CNOT10: variants seen among roughly 807,000 people sequenced by gnomAD.
CNOT10 encodes the protein CCR4-NOT transcription complex, subunit 10.
CNOT10 carries 30 observed loss-of-function variants against 94.6 expected under a neutral mutation model. The observed-to-expected ratio is 0.32, with a 90% CI of 0.24 to 0.43. CNOT10 has a LOEUF of 0.43. Among genes scored for constraint, CNOT10 ranks in the 20% least tolerant of loss-of-function variants. CNOT10 has a pLI of 1.00. For synonymous variants in CNOT10, 289 were observed against 301.6 expected (o/e 0.96, Z 0.43); for missense variants, 759 against 877.2 (o/e 0.87, Z 1.70).
intron 1 of CNOT10, among the ~76,000 whole-genome samples, chr3:32,687,453 T>TTTTTTTTTTC: frequency 1.7e-5 from 1 of 57,220 alleles, no homozygotes; most frequent in African/African-American, 6.8e-5. Flanking sequence ...TTTTTTTTTG[T>TTTTTTTTTTC]TTTTTTTTTT....
Position 32,773,725 on chromosome 3 carries a change from A to T in CNOT10, c.*114A>T. On this transcript the variant is annotated 3_prime_UTR_variant, in exon 19 of 19. Coordinates refer to ENST00000328834, the MANE Select transcript of CNOT10 (RefSeq NM_015442.3). ...GGTGAAGGCTGTTAATTTTGAGTCA[A>T]TTCTACCCCTGACATTTGGCCAAAA... 2 of 1,134,756 alleles carry T rather than the reference A, an allele frequency of 1.8e-6. No individual in the cohort carries two copies. The highest frequency in any genetic ancestry group is 2.4e-6 in the Non-Finnish European group (2 of 827,734). The allele number at this position is 1,134,756 out of a possible 1,614,324, so 70.3% of individuals were successfully genotyped here.
chr3:32,687,302 A>G (rs764989079), intron 1 of CNOT10, among the ~76,000 whole-genome samples: 14 of 150,170 alleles, frequency 9.3e-5, no homozygotes, highest in Non-Finnish European at 1.5e-4. Flanking sequence ...CGCTTTTTTT[A>G]TGTCCTAAGA....
At chr3:32,728,836 CA>C (rs1698802319) in intron 10 of CNOT10, among the ~76,000 whole-genome samples, 1 of 151,938 alleles carries the variant, frequency 6.6e-6, no homozygotes, top group African/African-American at 2.4e-5. Context: ...GTGCGGTGGT[CA>C]CGCCTGTAAT....
rs761296064 is a variant in CNOT10, at chr3:32,764,792, C to T, written c.1987C>T (p.Arg663Ter). The T allele has an allele frequency of 1.9e-6, 3 of 1,614,074 alleles. No homozygotes were observed. Among genetic ancestry groups the T allele is most frequent in the Non-Finnish European group, 2.5e-6 (3 of 1,180,020 alleles). ...YCLRSEYDKA[R>*]KCLHQAASMI... ...CCTGAGGAGCGAATATGACAAAGCC[C>T]GAAAGTGTCTCCACCAGGTGAGTCC... Residue 663 changes from arginine to a stop codon, truncating the protein, a stop_gained, in exon 17 of 19, where the codon CGA (arginine) becomes TGA (stop). Coordinates refer to ENST00000328834, the MANE Select transcript of CNOT10 (RefSeq NM_015442.3). LOFTEE classifies it high-confidence loss of function.
chr3:32,769,599 CTGTA>C (rs758935129), intron 17 of CNOT10: 6 of 309,744 alleles, frequency 1.9e-5, no homozygotes, highest in Non-Finnish European at 3.7e-5. Context: ...GTAATTGCAA[CTGTA>C]TGTGTCTGTT....
chr3:32,723,922 AT>A (rs1698534150), intron 8 of CNOT10, among the ~76,000 whole-genome samples: 1 of 152,088 alleles, frequency 6.6e-6, no homozygotes, highest in African/African-American at 2.4e-5. Context: ...CTGCAAAAAA[AT>A]TAAAAAATTA....
At position 32,769,892 on chromosome 3, in the gene CNOT10, T is replaced by A. The variant is rs901885954; in HGVS notation, c.2010T>A (p.Ala670=). The A allele has an allele frequency of 1.4e-5, 23 of 1,613,858 alleles. No individual in the cohort carries two copies. Among genetic ancestry groups the A allele is most frequent in the Non-Finnish European group, 1.9e-5 (23 of 1,179,792 alleles). The change falls in exon 18 of 19, where the codon GCT becomes GCA. Residue 670 remains alanine, a synonymous_variant. Coordinates refer to ENST00000328834, the MANE Select transcript of CNOT10 (RefSeq NM_015442.3). ...TCTTTCTGTTTTGAGCAAAGGCGGC[T>A]TCAATGATCCATCCTAAAGAGGTGC... is the stretch of plus-strand genomic sequence containing the variant. The part of the protein sequence containing the change: ...DKARKCLHQA[A]SMIHPKEVPP...
At chr3:32,754,408 C>T (rs1327748777) in intron 13 of CNOT10, among the ~76,000 whole-genome samples, 13 of 130,872 alleles carry the variant, frequency 9.9e-5, no homozygotes, top group East Asian at 2.5e-4. Context: ...ACCTGGGAGG[C>T]GGAGCTTGCA....
chr3:32,735,575 T>C (rs1265173455), intron 12 of CNOT10, among the ~76,000 whole-genome samples: 1 of 151,342 alleles, frequency 6.6e-6, no homozygotes, highest in Non-Finnish European at 1.5e-5. Flanking sequence ...GGCGTGGTGG[T>C]GGGCACCTAT....
chr3:32,757,518 A>G (rs1199753202), intron 13 of CNOT10, among the ~76,000 whole-genome samples: 3 of 152,190 alleles, frequency 2.0e-5, no homozygotes, highest in Non-Finnish European at 4.4e-5. Context: ...CGGACCTTTA[A>G]TAGTCTTTTT....
chr3:32,733,398 A>G (rs533862451), intron 10 of CNOT10, 25 bp from the exon 11 acceptor site: 2 of 1,523,968 alleles, frequency 1.3e-6, no homozygotes, highest in South Asian at 1.2e-5. Flanking sequence ...CCTTAAATTT[A>G]TTGGAAATTA....
At chr3:32,692,546 G>A (rs1301714593) in intron 1 of CNOT10, among the ~76,000 whole-genome samples, 1 of 152,166 alleles carries the variant, frequency 6.6e-6, no homozygotes, top group Non-Finnish European at 1.5e-5. Context: ...TATTAGTGAT[G>A]CTAAATTTGA....
At chr3:32,706,011 G>C (rs1697606909) in intron 3 of CNOT10, among the ~76,000 whole-genome samples, 1 of 152,096 alleles carries the variant, frequency 6.6e-6, no homozygotes, top group South Asian at 2.1e-4. Flanking sequence ...GAGGCAGTAG[G>C]TGCTTATTAT....
chr3:32,750,696 C>G (rs1339216346), intron 13 of CNOT10, among the ~76,000 whole-genome samples: 1 of 151,930 alleles, frequency 6.6e-6, no homozygotes, highest in Non-Finnish European at 1.5e-5. Flanking sequence ...GGATTATAGG[C>G]ATGCACCACC....
chr3:32,727,975 C>A (rs369152834), intron 10 of CNOT10, 105 bp downstream of exon 10: 16 of 714,042 alleles, frequency 2.2e-5, no homozygotes, highest in Non-Finnish European at 3.5e-5. Context: ...TAAGACATTT[C>A]TCTTTTTATT....
At chr3:32,695,968 AGTGTGTGTGTGTGTGTGTGT>A (rs764702440) in intron 1 of CNOT10, 6,796 of 431,124 alleles carry the variant, frequency 0.016, 7 homozygotes, top group East Asian at 0.025. Flanking sequence ...TGTTGAAGAG[AGTGTGTGTGTGTGTGTGTGT>A]GTGTGTGTGT....
chr3:32,748,231 G>A (rs1699795184), intron 13 of CNOT10, among the ~76,000 whole-genome samples: 1 of 152,170 alleles, frequency 6.6e-6, no homozygotes, highest in Admixed American at 6.5e-5. Context: ...ATGTTTGTAT[G>A]CTATAACATG....
chr3:32,740,363 G>T (rs531752980), intron 13 of CNOT10, among the ~76,000 whole-genome samples: 127 of 152,158 alleles, frequency 8.3e-4, no homozygotes, highest in African/African-American at 2.9e-3. Flanking sequence ...AGAGGCTGAA[G>T]CAGGGGAATC....
intron 1 of CNOT10, among the ~76,000 whole-genome samples, chr3:32,687,139 G>T (rs1696633639): frequency 6.6e-6 from 1 of 152,148 alleles, no homozygotes; most frequent in Non-Finnish European, 1.5e-5. Context: ...AGTGTTTAGT[G>T]TAGCTCCTTT....
Sources: gnomAD v4.1 joint callset for allele counts (sites outside exome capture counted in the v4.1 genomes callset) on GRCh38, gnomAD v4.1.1 for gene constraint, MANE v1.5 for transcripts, NCBI Gene and HGNC (gene_info 2026-07-23, HGNC 2026-07-21) for gene names.